Variants in FHIP2A observed in about 807,000 individuals in gnomAD.
FHIP2A encodes the protein FHF complex subunit HOOK interacting protein 2A, also known as family with sequence similarity 160 member B1.
In FHIP2A, 46 loss-of-function variants were observed where a neutral mutation model predicts 93.5. That is an observed-to-expected ratio of 0.49 (90% confidence interval 0.39 to 0.63). The LOEUF (loss-of-function observed/expected upper bound fraction) is 0.63, where lower values mean the gene tolerates loss of function less well. Ranked by LOEUF, FHIP2A falls within the 20% of genes least tolerant of loss-of-function variation. The probability of loss-of-function intolerance (pLI) is 0.00; values close to 1 mark genes in which losing one functional copy is unlikely to be tolerated. For missense variants in FHIP2A, 769 were observed against 909.7 expected (o/e 0.85, Z 1.99); for synonymous variants, 332 against 326.5 (o/e 1.02, Z -0.18).
intron 14 of FHIP2A, among the ~76,000 whole-genome samples, chr10:114,857,519 A>C (rs998192380): frequency 5.9e-5 from 9 of 151,996 alleles, no homozygotes; most frequent in African/African-American, 2.2e-4. Context: ...CATATTGCTC[A>C]GGCTGGTCTT....
downstream of FHIP2A, among the ~76,000 whole-genome samples, chr10:114,869,693 A>T (rs978242236): frequency 3.2e-4 from 48 of 152,310 alleles, no homozygotes; most frequent in African/African-American, 1.1e-3. Flanking sequence ...CTCTGAAAAT[A>T]CTGTTGGCAA....
chr10:114,861,083 A>G (rs2083795896), intron 15 of FHIP2A, 148 bp from the exon 16 acceptor site: 1 of 1,064,444 alleles, frequency 9.4e-7, no homozygotes, highest in Non-Finnish European at 1.3e-6. Context: ...AGAATTAGGT[A>G]TGAGTCCTTG....
chr10:114,822,462 G>A (rs556162324), intron 1 of FHIP2A, among the ~76,000 whole-genome samples: 1 of 152,318 alleles, frequency 6.6e-6, no homozygotes, highest in East Asian at 1.9e-4. Flanking sequence ...GGGGGTTCGG[G>A]GAGCACCTGG....
chr10:114,880,341 TG>T (rs1472941160), intron 16 of FHIP2A, among the ~76,000 whole-genome samples: 1 of 152,214 alleles, frequency 6.6e-6, no homozygotes, highest in Non-Finnish European at 1.5e-5. Flanking sequence ...ACACTTTAAA[TG>T]GGTGAATTGT....
At chr10:114,854,109 T>C (rs2083752137) in intron 13 of FHIP2A, among the ~76,000 whole-genome samples, 1 of 152,096 alleles carries the variant, frequency 6.6e-6, no homozygotes, top group African/African-American at 2.4e-5. Flanking sequence ...ACTGTTTCAC[T>C]GATAACTATC....
chr10:114,865,800 C>T (rs1453676420), downstream of FHIP2A, among the ~76,000 whole-genome samples: 3 of 119,208 alleles, frequency 2.5e-5, no homozygotes, highest in African/African-American at 3.3e-5. Flanking sequence ...AAATCTATAC[C>T]TCTTTTCAAA....
intron 16 of FHIP2A, among the ~76,000 whole-genome samples, chr10:114,877,688 G>A (rs1010966141): frequency 5.3e-5 from 8 of 152,086 alleles, no homozygotes; most frequent in Non-Finnish European, 1.0e-4. Context: ...GAAAATTTAT[G>A]GGAGAAAATT....
intron 16 of FHIP2A, among the ~76,000 whole-genome samples, chr10:114,887,280 C>A (rs144574048): frequency 3.9e-5 from 6 of 152,320 alleles, no homozygotes; most frequent in African/African-American, 1.4e-4. Flanking sequence ...CAATATGGAG[C>A]ACAATTTTAG....
chr10:114,879,572 C>T (rs943773356), intron 16 of FHIP2A, among the ~76,000 whole-genome samples: 1 of 152,162 alleles, frequency 6.6e-6, no homozygotes, highest in African/African-American at 2.4e-5. Context: ...TCTGTTGAAT[C>T]TCCCGGAAGT....
rs182091267 is a variant in FHIP2A, at chr10:114,836,396, A to G, written c.522+150A>G. ...GAATTATTTTTCCTTTAATATCACT[A>G]TTTTATTCTCCTGGGAGAAAAGAAT... On this transcript the variant is annotated intron_variant, in intron 5 of 16. Coordinates refer to ENST00000369248, the MANE Select transcript of FHIP2A (RefSeq NM_020940.4). 3.6e-3 allele frequency: 2,373 copies of G among 651,042 alleles called. 10 individuals carry two copies. Among genetic ancestry groups the G allele is most frequent in the Non-Finnish European group, 4.8e-3 (1,854 of 390,120 alleles). The allele number at this position is 651,042 out of a possible 1,614,324, so 40.3% of individuals were successfully genotyped here.
chr10:114,896,960 A>C (rs1052465039), intron 16 of FHIP2A, among the ~76,000 whole-genome samples: 1 of 152,248 alleles, frequency 6.6e-6, no homozygotes, highest in Non-Finnish European at 1.5e-5. Flanking sequence ...CTGACTAATT[A>C]GGAATATAGT....
At position 114,821,828 on chromosome 10, in the gene FHIP2A, C is replaced by T. The variant is rs887261295; in HGVS notation, c.-251C>T. On this transcript the variant is annotated 5_prime_UTR_variant, in exon 1 of 17. Transcript: ENST00000369248. ...AACCGGTGCCGCCGCCGGAGCTTCT[C>T]CGGGCCCCGAGTCCTCGCCGAACGC... 31 of 223,732 alleles carry T rather than the reference C, an allele frequency of 1.4e-4. No homozygotes were observed. The highest frequency in any genetic ancestry group is 6.5e-4 in the African/African-American group (28 of 43,262). 13.9% of individuals were successfully genotyped at this position (223,732 alleles called of 1,614,324 possible). A position where few individuals can be genotyped will look rare whatever the true frequency, so the allele number is the denominator to read the frequency against.
chr10:114,876,840 C>T (rs1346941805), intron 16 of FHIP2A, among the ~76,000 whole-genome samples: 1 of 152,184 alleles, frequency 6.6e-6, no homozygotes, highest in East Asian at 1.9e-4. Context: ...CTTCCGCCCC[C>T]GCACAAGGGA....
At position 114,836,755 on chromosome 10, in the gene FHIP2A, G is replaced by A. The variant is rs1371814622; in HGVS notation, c.522+509G>A. On this transcript the variant is annotated intron_variant, in intron 5 of 16. Coordinates refer to ENST00000369248, the MANE Select transcript of FHIP2A (RefSeq NM_020940.4). ...GTTTATTTAAATCAAGTGATATTTT[G>A]GATTTTACTCCTAGATTTAAAGTAA... Among the ~76,000 whole-genome samples the A allele has an allele frequency of 2.0e-5, 3 of 151,798 alleles. No homozygotes were observed. The East Asian group carries it at 5.8e-4, about 29-fold the overall frequency.
downstream of FHIP2A, among the ~76,000 whole-genome samples, chr10:114,869,571 T>A (rs2083847083): frequency 1.3e-5 from 2 of 152,214 alleles, no homozygotes; most frequent in Non-Finnish European, 2.9e-5. Flanking sequence ...AATAAAATAT[T>A]ACCTCATTAG....
chr10:114,875,429 C>G (rs537709824), intron 16 of FHIP2A, among the ~76,000 whole-genome samples: 3 of 152,260 alleles, frequency 2.0e-5, no homozygotes, highest in African/African-American at 7.2e-5. Context: ...CGCAGTGGCT[C>G]ATGCCTGTAA....
Position 114,855,185 on chromosome 10 carries a change from T to C in FHIP2A, c.1804-12T>C. ...TTGTTCTTTAATGATTCACATGCTTTTTTCCCCCTAGTTCCGAGACTACTG... is the reference window on the plus strand; with the variant it reads ...TTGTTCTTTAATGATTCACATGCTTCTTTCCCCCTAGTTCCGAGACTACTG... On this transcript the variant is annotated splice_polypyrimidine_tract_variant and intron_variant, in intron 13 of 16. Coordinates refer to ENST00000369248, the MANE Select transcript of FHIP2A (RefSeq NM_020940.4). 1 of 1,596,928 alleles carries C rather than the reference T, an allele frequency of 6.3e-7. No individual in the cohort carries two copies. The highest frequency in any genetic ancestry group is 8.5e-7 in the Non-Finnish European group (1 of 1,173,370).
chr10:114,899,393 T>G, intron 16 of FHIP2A: 1 of 691,698 alleles, frequency 1.4e-6, no homozygotes, highest in East Asian at 2.7e-5. Flanking sequence ...AGTCCAGGAG[T>G]TGGTTAAGCA....
Position 114,881,711 on chromosome 10 carries a change from G to A in FHIP2A, c.2193-17779G>A, listed in dbSNP as rs1024789056. On this transcript the variant is annotated intron_variant, in intron 16 of 16. Transcript: ENST00000369250. ...CTGACAGTGCCTGATCACCCGCAGAGCCTCAGCAGGGAGATCTACACATTT... is the reference window on the plus strand; with the variant it reads ...CTGACAGTGCCTGATCACCCGCAGAACCTCAGCAGGGAGATCTACACATTT... Among the ~76,000 whole-genome samples the A allele has an allele frequency of 1.0e-4, 9 of 88,414 alleles. No individual in the cohort carries two copies. The Admixed American group carries it at 1.0e-3, about 10-fold the overall frequency. The allele number at this position is 88,414 out of a possible 152,430, so 58.0% of individuals were successfully genotyped here. A position where few individuals can be genotyped will look rare whatever the true frequency, so the allele number is the denominator to read the frequency against.
Sources: allele counts gnomAD v4.1 joint callset (sites outside exome capture counted in the v4.1 genomes callset), GRCh38; gene constraint gnomAD v4.1.1; transcripts MANE v1.5; gene names NCBI Gene and HGNC (gene_info 2026-07-23, HGNC 2026-07-21).